OTOF: variants seen among roughly 807,000 people sequenced by gnomAD.
OTOF encodes the protein otoferlin.
Under a neutral mutation model 236.8 loss-of-function variants are expected in OTOF, and 218 were observed. That is an observed-to-expected ratio of 0.92 (90% CI 0.82 to 1.03). The LOEUF (loss-of-function observed/expected upper bound fraction) is 1.03. Ranked by LOEUF, OTOF falls within the 50% of genes least tolerant of loss-of-function variation. OTOF has a pLI of 0.00. For missense variants in OTOF, 2,590 were observed against 2,694.4 expected (o/e 0.96, Z 0.86); for synonymous variants, 1,041 against 1,072.5 (o/e 0.97, Z 0.57).
At chr2:26,464,475 C>T (rs1664632368) in intron 39 of OTOF, among the ~76,000 whole-genome samples, 2 of 152,098 alleles carry the variant, frequency 1.3e-5, no homozygotes, top group African/African-American at 4.8e-5. Context: ...GCCTCATGGA[C>T]AGAGAAGTAA....
intron 1 of OTOF, among the ~76,000 whole-genome samples, chr2:26,550,098 T>G (rs1468051162): frequency 6.7e-6 from 1 of 149,836 alleles, no homozygotes; most frequent in Non-Finnish European, 1.5e-5. Flanking sequence ...ACCTTAAACT[T>G]CGGCTGAAAA....
At chr2:26,476,373 G>A in intron 22 of OTOF, 56 bp from the exon 23 acceptor site, 1 of 1,540,856 alleles carries the variant, frequency 6.5e-7, no homozygotes. Flanking sequence ...CCCAAGAGGT[G>A]GGGAAGGGGC....
chr2:26,514,614 C>T (rs1429391552), intron 5 of OTOF, among the ~76,000 whole-genome samples: 3 of 152,220 alleles, frequency 2.0e-5, no homozygotes, highest in African/African-American at 7.2e-5. Context: ...TCCGGAGCAT[C>T]CATGGGTCCC....
chr2:26,551,004 C>G (rs541957591), intron 1 of OTOF, among the ~76,000 whole-genome samples: 14 of 152,232 alleles, frequency 9.2e-5, no homozygotes, highest in Admixed American at 2.0e-4. Context: ...TTTTTCCCCC[C>G]CTTGAGACAG....
chr2:26,488,890 C>T (rs897524386), intron 11 of OTOF, among the ~76,000 whole-genome samples: 7 of 152,248 alleles, frequency 4.6e-5, no homozygotes, highest in South Asian at 2.1e-4. Context: ...CACTACTGGT[C>T]AGCCTGCCTA....
chr2:26,513,035 G>T (rs1278638744), intron 5 of OTOF, among the ~76,000 whole-genome samples: 1 of 152,180 alleles, frequency 6.6e-6, no homozygotes, highest in Non-Finnish European at 1.5e-5. Context: ...TCAGGGCTTC[G>T]TGGCAGGAAC....
At position 26,533,050 on chromosome 2, in the gene OTOF, G is replaced by A. The variant is rs147087838; in HGVS notation, c.138+4666C>T. The stretch of plus-strand genomic sequence containing the variant: ...GGAGCAGAGCCACACAGCAAGAGGT[G>A]AGCCGCGGGTGAGCGAGCATTCCCG... On this transcript the variant is annotated intron_variant, in intron 2 of 46. Transcript: ENST00000272371. 4.1e-3 allele frequency among the ~76,000 whole-genome samples: 617 copies of A among 152,304 alleles called. 2 individuals carry two copies. The highest frequency in any genetic ancestry group is 0.014 in the African/African-American group (584 of 41,542).
chr2:26,554,994 C>G (rs1667551706), intron 1 of OTOF, among the ~76,000 whole-genome samples: 1 of 152,180 alleles, frequency 6.6e-6, no homozygotes, highest in Non-Finnish European at 1.5e-5. Flanking sequence ...CTGTCTGTCA[C>G]TTGGTTCCCT....
chr2:26,481,070 G>A, intron 14 of OTOF, 61 bp from the exon 15 acceptor site: 3 of 1,331,440 alleles, frequency 2.3e-6, no homozygotes, highest in South Asian at 2.4e-5. Context: ...TGGGGAAGAG[G>A]GGCCTCTTTT....
At chr2:26,478,080 C>G in intron 18 of OTOF, 2 of 1,403,918 alleles carry the variant, frequency 1.4e-6, no homozygotes, top group Non-Finnish European at 1.9e-6. Flanking sequence ...AGAGGGAAAC[C>G]CTAGGACTGG....
chr2:26,535,459 A>G (rs1227152833), intron 2 of OTOF, among the ~76,000 whole-genome samples: 1 of 152,194 alleles, frequency 6.6e-6, no homozygotes, highest in African/African-American at 2.4e-5. Context: ...TGAGCATTGC[A>G]AGTCATTCTG....
Position 26,477,989 on chromosome 2 carries a change from G to T in OTOF, c.2215-240C>A. 3.4e-6 allele frequency: 5 copies of T among 1,457,840 alleles called. No homozygotes were observed. Among genetic ancestry groups the T allele is most frequent in the Non-Finnish European group, 4.5e-6 (5 of 1,107,730 alleles). 90.3% of individuals were successfully genotyped at this position (1,457,840 alleles called of 1,614,324 possible). On this transcript the variant is annotated intron_variant, in intron 18 of 46. Coordinates refer to ENST00000272371, the MANE Select transcript of OTOF (RefSeq NM_194248.3). This position sits in a 1 kb window ranked among gnomAD's most constrained non-coding sequence, Gnocchi z 4.7. ...GTTCCTGAAGGAAGAAGCCACCTCT[G>T]GGCTGTGAGTCTGTGGCTCTGGTGA...
At chr2:26,475,882 G>C (rs751561728) in intron 24 of OTOF, 32 bp downstream of exon 24, 6 of 1,579,678 alleles carry the variant, frequency 3.8e-6, no homozygotes, top group Non-Finnish European at 5.2e-6. Context: ...TGCTCTCAAA[G>C]CCAGAGCCAC....
chr2:26,513,109 C>A (rs1245210599), intron 5 of OTOF, among the ~76,000 whole-genome samples: 1 of 152,074 alleles, frequency 6.6e-6, no homozygotes, highest in East Asian at 1.9e-4. Flanking sequence ...GAGGTGGAAT[C>A]GTTGGGGCAG....
At chr2:26,540,539 C>T (rs539321265) in intron 1 of OTOF, among the ~76,000 whole-genome samples, 3 of 152,336 alleles carry the variant, frequency 2.0e-5, no homozygotes, top group African/African-American at 7.2e-5. Flanking sequence ...GACCTCTCTC[C>T]TCTGTCAGTG....
At position 26,479,732 on chromosome 2, in the gene OTOF, G is replaced by A. The variant is rs1665477121; in HGVS notation, c.1913-79C>T. 16 of 1,456,788 alleles carry A rather than the reference G, an allele frequency of 1.1e-5. No homozygotes were observed. The South Asian group carries it at 1.9e-4, about 17-fold the overall frequency. 90.2% of individuals were successfully genotyped at this position (1,456,788 alleles called of 1,614,324 possible). ...CCACCGTCCAATCCGGTGCTGCCTT[G>A]GGTTTGGGAAAGGGGAGAGGGAGAG... On this transcript the variant is annotated intron_variant, in intron 16 of 46. Transcript: ENST00000272371.
At chr2:26,489,405 T>C in intron 10 of OTOF, 110 bp from the exon 11 acceptor site, 1 of 852,540 alleles carries the variant, frequency 1.2e-6, no homozygotes, top group Non-Finnish European at 1.9e-6. Context: ...GTTGGCAGAG[T>C]GGGGTGGCTC....
intron 8 of OTOF, among the ~76,000 whole-genome samples, chr2:26,499,758 G>A (rs564165203): frequency 6.6e-6 from 1 of 152,164 alleles, no homozygotes; most frequent in South Asian, 2.1e-4. Flanking sequence ...GCCTCTGAAA[G>A]TGCTGGGATT....
chr2:26,464,186 A>G, intron 39 of OTOF, 80 bp from the exon 40 acceptor site: 1 of 1,555,180 alleles, frequency 6.4e-7, no homozygotes, highest in East Asian at 2.3e-5. Context: ...ACTTAGGAGC[A>G]CAAAGAAGCC....
Sources: gnomAD v4.1 joint callset for allele counts (sites outside exome capture counted in the v4.1 genomes callset) on GRCh38, gnomAD v4.1.1 for gene constraint, Gnocchi (gnomAD v3.1) non-coding constraint, MANE v1.5 for transcripts, NCBI Gene and HGNC (gene_info 2026-07-23, HGNC 2026-07-21) for gene names.